MECOM: variants seen among roughly 807,000 people sequenced by gnomAD.
MECOM encodes histone-lysine N-methyltransferase MECOM.
Under a neutral mutation model 116.3 loss-of-function variants are expected in MECOM, and 13 were observed. The observed-to-expected ratio is 0.11, with a 90% CI of 0.07 to 0.18. MECOM has a LOEUF of 0.18. Ranked by LOEUF, MECOM falls within the 10% of genes least tolerant of loss-of-function variation. The pLI, the probability that MECOM is intolerant of heterozygous loss-of-function variation, is 1.00. For missense variants in MECOM, 1,299 were observed against 1,509.0 expected, an observed-to-expected ratio of 0.86 and a Z score of 2.31; for synonymous variants, 528 against 535.2, an observed-to-expected ratio of 0.99 and a Z score of 0.19.
chr3:169,314,890 ATTCT>A (rs1719467959), intron 2 of MECOM, among the ~76,000 whole-genome samples: 11 of 152,364 alleles, frequency 7.2e-5, no homozygotes, highest in African/African-American at 2.2e-4. Context: ...GTTATCCCTT[ATTCT>A]CCTGAATATT....
chr3:169,222,334 C>G (rs991807605), intron 2 of MECOM, among the ~76,000 whole-genome samples: 11 of 152,164 alleles, frequency 7.2e-5, no homozygotes, highest in African/African-American at 1.9e-4. Flanking sequence ...GAAATTAATT[C>G]CAAACACTGG....
At chr3:169,594,878 G>A (rs1448358727) in intron 1 of MECOM, among the ~76,000 whole-genome samples, 27 of 119,766 alleles carry the variant, frequency 2.3e-4, no homozygotes, top group South Asian at 6.1e-4. Context: ...GGATCTAACT[G>A]AAAAAAAAAA....
intron 1 of MECOM, among the ~76,000 whole-genome samples, chr3:169,642,521 A>AC (rs1450254867): frequency 6.7e-6 from 1 of 148,470 alleles, no homozygotes; most frequent in Non-Finnish European, 1.5e-5. Flanking sequence ...ACTAACAACA[A>AC]AAAAAAAAAG....
intron 1 of MECOM, among the ~76,000 whole-genome samples, chr3:169,574,561 T>C (rs565045400): frequency 6.6e-6 from 1 of 152,346 alleles, no homozygotes; most frequent in Admixed American, 6.5e-5. Flanking sequence ...ATGGCATCAT[T>C]CCAAGCAAAT....
At chr3:169,529,425 TCCAC>T in intron 1 of MECOM, among the ~76,000 whole-genome samples, 1 of 152,352 alleles carries the variant, frequency 6.6e-6, no homozygotes, top group East Asian at 1.9e-4. Flanking sequence ...TGATGGTATC[TCCAC>T]ATTTGAAACA....
At chr3:169,448,144 C>CTA (rs1197375646) in intron 1 of MECOM, among the ~76,000 whole-genome samples, 1 of 152,040 alleles carries the variant, frequency 6.6e-6, no homozygotes, top group African/African-American at 2.4e-5. Flanking sequence ...GGAACCTGAC[C>CTA]TATAGTAGAC....
chr3:169,122,850 G>C, intron 5 of MECOM, 123 bp from the exon 6 acceptor site: 1 of 1,099,534 alleles, frequency 9.1e-7, no homozygotes, highest in East Asian at 2.5e-5. Flanking sequence ...CTGAGAAGGA[G>C]GGAAGAGCAG....
At chr3:169,626,822 C>CTTTT (rs201067118) in intron 1 of MECOM, among the ~76,000 whole-genome samples, 1 of 147,660 alleles carries the variant, frequency 6.8e-6, no homozygotes, top group African/African-American at 2.5e-5. Context: ...TTTCTTTTCT[C>CTTTT]TTTTTTTTTT....
At position 169,468,088 on chromosome 3, in the gene MECOM, G is replaced by A. The variant is rs75103311; in HGVS notation, c.38-86564C>T. On this transcript the variant is annotated intron_variant, in intron 1 of 16. Coordinates refer to ENST00000651503, the MANE Select transcript of MECOM (RefSeq NM_004991.4). ...GTAAAAGACAAACCTAACAGTCTTC[G>A]TGTGCTTCTTACTAACAAAACCCAC... Among the ~76,000 whole-genome samples, 337 of 150,974 alleles carry A rather than the reference G, an allele frequency of 2.2e-3. 7 individuals carry two copies. In the East Asian group the frequency reaches 0.056, roughly 25 times the overall value.
At chr3:169,520,573 A>G (rs1453257249) in intron 1 of MECOM, among the ~76,000 whole-genome samples, 5 of 152,218 alleles carry the variant, frequency 3.3e-5, no homozygotes, top group Admixed American at 6.5e-5. Flanking sequence ...AATGTCATTA[A>G]TACAGAAGCT....
intron 2 of MECOM, among the ~76,000 whole-genome samples, chr3:169,287,462 C>T (rs1343656471): frequency 6.6e-6 from 1 of 152,054 alleles, no homozygotes; most frequent in Non-Finnish European, 1.5e-5. Context: ...AAGTGACTTT[C>T]TGTATCATTC....
At chr3:169,424,237 T>C (rs1386198090) in intron 1 of MECOM, among the ~76,000 whole-genome samples, 1 of 152,098 alleles carries the variant, frequency 6.6e-6, no homozygotes, top group South Asian at 2.1e-4. Flanking sequence ...ACAAGCATCA[T>C]CAAGACTGCT....
At chr3:169,517,844 G>C (rs1281184687) in intron 1 of MECOM, among the ~76,000 whole-genome samples, 2 of 152,168 alleles carry the variant, frequency 1.3e-5, no homozygotes, top group African/African-American at 4.8e-5. Context: ...TTCAAAAAAA[G>C]AGAGAAAAAA....
intron 1 of MECOM, among the ~76,000 whole-genome samples, chr3:169,536,786 T>C (rs1224260196): frequency 1.3e-5 from 2 of 152,132 alleles, no homozygotes; most frequent in South Asian, 2.1e-4. Flanking sequence ...TAGAGGATAA[T>C]GACAATAAAT....
At chr3:169,249,143 C>A (rs566360883) in intron 2 of MECOM, among the ~76,000 whole-genome samples, 111 of 152,274 alleles carry the variant, frequency 7.3e-4, no homozygotes, top group African/African-American at 2.6e-3. Context: ...CTTTGTCTAA[C>A]CTAGCACCTA....
intron 2 of MECOM, among the ~76,000 whole-genome samples, chr3:169,186,343 G>GGGAAGGAAGGAA (rs1331901039): frequency 1.0e-4 from 8 of 80,176 alleles, no homozygotes; most frequent in African/African-American, 3.3e-4. Flanking sequence ...GAGGGAGGGA[G>GGGAAGGAAGGAA]GGAAGGAAGG....
chr3:169,146,050 A>G, intron 2 of MECOM: 1 of 242,422 alleles, frequency 4.1e-6, no homozygotes, highest in Non-Finnish European at 7.7e-6. Context: ...TCGTGTCGGA[A>G]ATCTCGAATA....
At chr3:169,660,540 A>G (rs993609881) in intron 1 of MECOM, among the ~76,000 whole-genome samples, 3 of 152,186 alleles carry the variant, frequency 2.0e-5, no homozygotes, top group Non-Finnish European at 4.4e-5. Context: ...AGAAATTTAC[A>G]AAAGACAAAA....
intron 2 of MECOM, among the ~76,000 whole-genome samples, chr3:169,371,006 T>G (rs1326450336): frequency 6.6e-6 from 1 of 152,024 alleles, no homozygotes; most frequent in Non-Finnish European, 1.5e-5. Flanking sequence ...GCAATCACAC[T>G]TCTGTGTATA....
Sources: gnomAD v4.1 joint callset for allele counts (sites outside exome capture counted in the v4.1 genomes callset) on GRCh38, gnomAD v4.1.1 for gene constraint, MANE v1.5 for transcripts, NCBI Gene and HGNC (gene_info 2026-07-23, HGNC 2026-07-21) for gene names.